MSI2: variants seen among roughly 807,000 people sequenced by gnomAD.
MSI2 encodes RNA-binding protein Musashi homolog 2.
Under a neutral mutation model 45.6 loss-of-function variants are expected in MSI2, and 17 were observed. That is an observed-to-expected ratio of 0.37 (90% CI 0.26 to 0.56). The LOEUF (loss-of-function observed/expected upper bound fraction) is 0.56, where lower values mean the gene tolerates loss of function less well. MSI2 is among the 20% of genes least tolerant of loss of function. The pLI is 0.77. For missense variants in MSI2, 293 were observed against 444.2 expected (o/e 0.66, Z 3.06); for synonymous variants, 156 against 158.2 (o/e 0.99, Z 0.11).
chr17:57,670,640 C>T (rs1912708708), intron 11 of MSI2, among the ~76,000 whole-genome samples: 2 of 152,132 alleles, frequency 1.3e-5, no homozygotes, highest in South Asian at 2.1e-4. Flanking sequence ...CTTTTCTGGT[C>T]CCCATTCCCA....
intron 5 of MSI2, among the ~76,000 whole-genome samples, chr17:57,305,587 C>T (rs1003453286): frequency 6.6e-6 from 1 of 152,092 alleles, no homozygotes; most frequent in Non-Finnish European, 1.5e-5. Flanking sequence ...CAGTTCGGTG[C>T]GTTTGATATC....
chr17:57,641,898 T>C (rs1179522145), intron 10 of MSI2, among the ~76,000 whole-genome samples: 2 of 152,226 alleles, frequency 1.3e-5, no homozygotes, highest in Admixed American at 1.3e-4. Flanking sequence ...ATAAACTCCA[T>C]GTGGACATTC....
intron 6 of MSI2, among the ~76,000 whole-genome samples, chr17:57,403,941 A>ATG (rs2084038516): frequency 5.4e-4 from 80 of 147,420 alleles, no homozygotes; most frequent in African/African-American, 1.2e-3. Flanking sequence ...GTGCACACAC[A>ATG]CACACACACA....
chr17:57,532,122 G>C (rs1250408071), intron 7 of MSI2: 1 of 152,246 alleles, frequency 6.6e-6, no homozygotes, highest in Non-Finnish European at 1.5e-5. Context: ...GCACACTCCT[G>C]CCCCCAGCCA....
chr17:57,462,487 A>T (rs1263620644), intron 6 of MSI2, among the ~76,000 whole-genome samples: 1 of 152,178 alleles, frequency 6.6e-6, no homozygotes, highest in Non-Finnish European at 1.5e-5. Flanking sequence ...TTCTCTGACA[A>T]AACTTTTCTT....
chr17:57,371,315 A>C (rs2083416776), intron 5 of MSI2, among the ~76,000 whole-genome samples: 1 of 152,194 alleles, frequency 6.6e-6, no homozygotes, highest in Non-Finnish European at 1.5e-5. Flanking sequence ...GTTTACAGAA[A>C]GGAGAGACTT....
intron 6 of MSI2, among the ~76,000 whole-genome samples, chr17:57,482,812 G>A (rs1308031675): frequency 6.6e-6 from 1 of 152,222 alleles, no homozygotes; most frequent in African/African-American, 2.4e-5. Context: ...CCCTCCAGAT[G>A]CACTGGACTG....
At position 57,602,986 on chromosome 17, in the gene MSI2, G is replaced by A. The variant is rs149648071; in HGVS notation, c.537+6036G>A. Among the ~76,000 whole-genome samples the A allele has an allele frequency of 7.6e-3, 1,165 of 152,302 alleles. 7 individuals carry two copies. The highest frequency in any genetic ancestry group is 0.012 in the Non-Finnish European group (814 of 68,030). On this transcript the variant is annotated intron_variant, in intron 8 of 13. Coordinates refer to ENST00000284073, the MANE Select transcript of MSI2 (RefSeq NM_138962.4). ...ATGACAGATAATGTGGGACTTGTGGGTCATAAATTGCCCAGCCATCATCAT... is the reference window on the plus strand; with the variant it reads ...ATGACAGATAATGTGGGACTTGTGGATCATAAATTGCCCAGCCATCATCAT...
At chr17:57,526,356 GGTGTGTGTGTGTGTGT>G (rs71143203) in intron 6 of MSI2, among the ~76,000 whole-genome samples, 31 of 122,614 alleles carry the variant, frequency 2.5e-4, no homozygotes, top group South Asian at 1.1e-3. Context: ...GATATACCTG[GGTGTGTGTGTGTGTGT>G]GTGTGTGTGT....
At chr17:57,539,743 G>GA (rs11369712) in intron 7 of MSI2, among the ~76,000 whole-genome samples, 87,688 of 151,714 alleles carry the variant, frequency 0.58, 25,715 homozygotes, top group African/African-American at 0.67. Flanking sequence ...GCCCTGGTCT[G>GA]AAAAGAAGCC....
intron 5 of MSI2, among the ~76,000 whole-genome samples, chr17:57,362,465 A>G (rs1186570323): frequency 1.3e-5 from 2 of 152,218 alleles, no homozygotes; most frequent in Admixed American, 1.3e-4. Flanking sequence ...CATTGTGGAA[A>G]TTAATATCTG....
chr17:57,335,346 C>G (rs1012532928), intron 5 of MSI2, among the ~76,000 whole-genome samples: 1 of 152,240 alleles, frequency 6.6e-6, no homozygotes, highest in Admixed American at 6.5e-5. Context: ...CCCCCACCTG[C>G]CTTTACACCA....
intron 6 of MSI2, among the ~76,000 whole-genome samples, chr17:57,491,731 C>T (rs923941489): frequency 3.9e-5 from 6 of 152,250 alleles, no homozygotes; most frequent in African/African-American, 7.2e-5. Flanking sequence ...GGATGGCCAA[C>T]GCCTAATGAT....
intron 5 of MSI2, among the ~76,000 whole-genome samples, chr17:57,395,603 G>T (rs2083874687): frequency 6.6e-6 from 1 of 152,184 alleles, no homozygotes; most frequent in East Asian, 1.9e-4. Flanking sequence ...TAGAGGGGAG[G>T]TACCTTGAAT....
At chr17:57,337,107 T>A (rs910815544) in intron 5 of MSI2, among the ~76,000 whole-genome samples, 1 of 152,230 alleles carries the variant, frequency 6.6e-6, no homozygotes, top group Admixed American at 6.5e-5. Context: ...CACCACCATT[T>A]CTTTTGGCTC....
intron 7 of MSI2, among the ~76,000 whole-genome samples, chr17:57,539,091 GTGTT>G (rs1255151444): frequency 6.6e-6 from 1 of 152,076 alleles, no homozygotes; most frequent in Non-Finnish European, 1.5e-5. Context: ...ACATAAAAAA[GTGTT>G]TGCTCCTTTT....
chr17:57,467,007 A>C (rs890663027), intron 6 of MSI2, among the ~76,000 whole-genome samples: 1 of 152,252 alleles, frequency 6.6e-6, no homozygotes, highest in African/African-American at 2.4e-5. Flanking sequence ...TCTTGTGAGC[A>C]GAAGGGAGTG....
chr17:57,372,218 T>G (rs2083431492), intron 5 of MSI2, among the ~76,000 whole-genome samples: 1 of 152,200 alleles, frequency 6.6e-6, no homozygotes, highest in South Asian at 2.1e-4. Context: ...TTGGCAAAGC[T>G]CTCTCTTTCG....
chr17:57,459,237 G>T (rs1266386731), intron 6 of MSI2, among the ~76,000 whole-genome samples: 1 of 152,140 alleles, frequency 6.6e-6, no homozygotes, highest in African/African-American at 2.4e-5. Flanking sequence ...TTAAACTTGG[G>T]TCACTGTCAA....
Sources: allele counts gnomAD v4.1 joint callset (sites outside exome capture counted in the v4.1 genomes callset), GRCh38; gene constraint gnomAD v4.1.1; transcripts MANE v1.5; gene names NCBI Gene and HGNC (gene_info 2026-07-23, HGNC 2026-07-21).